The following PRKN variants were observed in gnomAD, a reference collection of about 807,000 sequenced individuals.
The protein encoded by PRKN is parkin RBR E3 ubiquitin protein ligase.
In PRKN, 56 loss-of-function variants were observed where a neutral mutation model predicts 59.5. That is an observed-to-expected ratio of 0.94 (90% CI 0.76 to 1.18). PRKN has a LOEUF of 1.18. Among genes scored for constraint, PRKN ranks in the 50% most tolerant of loss-of-function variants. The pLI is 0.00. For synonymous variants in PRKN, 250 were observed against 222.1 expected (o/e 1.13, Z -1.12); for missense variants, 657 against 596.4 (o/e 1.10, Z -1.06).
At chr6:161,817,921 C>T (rs1791858930) in intron 6 of PRKN, among the ~76,000 whole-genome samples, 1 of 152,142 alleles carries the variant, frequency 6.6e-6, no homozygotes, top group African/African-American at 2.4e-5. Context: ...TCCAAGGAGA[C>T]CCCCGAAGAG....
intron 7 of PRKN, among the ~76,000 whole-genome samples, chr6:161,670,236 A>G (rs1206572368): frequency 1.3e-5 from 2 of 151,992 alleles, no homozygotes; most frequent in African/African-American, 4.8e-5. Flanking sequence ...TTAGGAGAGG[A>G]GGTAGGAGAT....
intron 7 of PRKN, among the ~76,000 whole-genome samples, chr6:161,637,005 C>T (rs1343361952): frequency 6.6e-6 from 1 of 152,200 alleles, no homozygotes; most frequent in African/African-American, 2.4e-5. Context: ...AATGCCTCAT[C>T]AGAATGTATC....
chr6:162,465,278 C>A (rs1040383594), intron 1 of PRKN, among the ~76,000 whole-genome samples: 1 of 152,202 alleles, frequency 6.6e-6, no homozygotes, highest in Non-Finnish European at 1.5e-5. Context: ...TATTTAACAT[C>A]TGACTTTTGT....
intron 7 of PRKN, among the ~76,000 whole-genome samples, chr6:161,706,426 T>A (rs1786497679): frequency 6.6e-6 from 1 of 152,160 alleles, no homozygotes; most frequent in Non-Finnish European, 1.5e-5. Context: ...TCAAAATGCA[T>A]CTCGGACACA....
At chr6:161,517,599 G>A (rs1396885075) in intron 9 of PRKN, among the ~76,000 whole-genome samples, 2 of 151,902 alleles carry the variant, frequency 1.3e-5, no homozygotes, top group Admixed American at 1.3e-4. Flanking sequence ...AATTAGCCGG[G>A]CATGGTGGCG....
intron 2 of PRKN, among the ~76,000 whole-genome samples, chr6:162,348,856 T>C (rs941289633): frequency 6.6e-6 from 1 of 152,098 alleles, no homozygotes; most frequent in South Asian, 2.1e-4. Flanking sequence ...TTAGTTGAGA[T>C]AGTACAATAG....
At chr6:162,152,375 T>C (rs73783425) in intron 4 of PRKN, among the ~76,000 whole-genome samples, 3,485 of 152,224 alleles carry the variant, frequency 0.023, 147 homozygotes, top group African/African-American at 0.08. Flanking sequence ...CCTTCCTGAA[T>C]AGCCTACCTC....
chr6:162,036,311 G>A lies in PRKN; in HGVS notation c.618+17780C>T, dbSNP rs145783272. Among the ~76,000 whole-genome samples, 380 of 151,908 alleles carry A rather than the reference G, an allele frequency of 2.5e-3. 1 individual carries two copies. The highest frequency in any genetic ancestry group is 8.7e-3 in the African/African-American group (360 of 41,476). The stretch of plus-strand genomic sequence containing the variant: ...TGCACTCCAGCCTGGGCAACAGAGC[G>A]AGACCCCGTCTCAAAACAAAACAAA... On this transcript the variant is annotated intron_variant, in intron 5 of 11. Coordinates refer to ENST00000366898, the MANE Select transcript of PRKN (RefSeq NM_004562.3).
chr6:162,407,184 T>TACA (rs1359692801), intron 2 of PRKN, among the ~76,000 whole-genome samples: 1 of 152,140 alleles, frequency 6.6e-6, no homozygotes, highest in Non-Finnish European at 1.5e-5. Context: ...TTTTATCTAA[T>TACA]ACAAAGGTGC....
intron 1 of PRKN, among the ~76,000 whole-genome samples, chr6:162,679,064 T>C (rs1447530977): frequency 4.4e-5 from 6 of 135,834 alleles, no homozygotes. Flanking sequence ...CGTGAGCCAC[T>C]GTGCCTGGCC....
In PRKN at chr6:162,202,844, C is replaced by T. The variant is rs540201776; in HGVS notation, c.413-1592G>A. Among the ~76,000 whole-genome samples the T allele has an allele frequency of 7.9e-5, 12 of 152,300 alleles. No individual in the cohort carries two copies. The East Asian group carries it at 9.6e-4, about 12-fold the overall frequency. On this transcript the variant is annotated intron_variant, in intron 3 of 11. Coordinates refer to ENST00000366898, the MANE Select transcript of PRKN (RefSeq NM_004562.3). ...ATCACAAGAACTGTGACAATTCTGA[C>T]GTGCACTAAGAAGTGCATAGAAGAA...
intron 6 of PRKN, among the ~76,000 whole-genome samples, chr6:161,796,704 A>G (rs1790865017): frequency 6.6e-6 from 1 of 152,204 alleles, no homozygotes; most frequent in Admixed American, 6.5e-5. Context: ...ATTTCAGGTC[A>G]CATTCTATTC....
At chr6:162,314,768 G>A (rs1782674153) in intron 2 of PRKN, among the ~76,000 whole-genome samples, 1 of 152,124 alleles carries the variant, frequency 6.6e-6, no homozygotes, top group South Asian at 2.1e-4. Flanking sequence ...CACTATTCCA[G>A]ACTATACCTC....
intron 6 of PRKN, among the ~76,000 whole-genome samples, chr6:161,909,422 A>T (rs1778270741): frequency 6.6e-6 from 1 of 152,214 alleles, no homozygotes; most frequent in African/African-American, 2.4e-5. Context: ...GTGTAACAAT[A>T]AAAATCATTT....
intron 7 of PRKN, among the ~76,000 whole-genome samples, chr6:161,744,450 G>A (rs989837408): frequency 6.6e-6 from 1 of 152,156 alleles, no homozygotes; most frequent in Non-Finnish European, 1.5e-5. Flanking sequence ...TGCTATGGGA[G>A]ATGTGTGCCT....
rs141300708 is a variant in PRKN, at chr6:161,746,683, T to G, written c.871+39089A>C. ...ATATATATGTATATCTATAGATATATCTATATAGGTATATGTATATATGTA... is the reference window on the plus strand; with the variant it reads ...ATATATATGTATATCTATAGATATAGCTATATAGGTATATGTATATATGTA... On this transcript the variant is annotated intron_variant, in intron 7 of 11. Coordinates refer to ENST00000366898, the MANE Select transcript of PRKN (RefSeq NM_004562.3). Among the ~76,000 whole-genome samples, 211 of 146,848 alleles carry G rather than the reference T, an allele frequency of 1.4e-3. 2 individuals carry two copies. In the East Asian group the frequency reaches 0.031, roughly 22 times the overall value.
intron 6 of PRKN, among the ~76,000 whole-genome samples, chr6:161,903,443 C>T (rs144824646): frequency 2.6e-5 from 4 of 152,242 alleles, no homozygotes; most frequent in Admixed American, 6.5e-5. Flanking sequence ...TCAAACTTCG[C>T]GAAGGCAAAG....
At position 162,154,853 on chromosome 6, in the gene PRKN, A is replaced by C. The variant is rs143797302; in HGVS notation, c.534+46278T>G. Among the ~76,000 whole-genome samples the C allele has an allele frequency of 4.4e-4, 67 of 152,076 alleles. 1 individual carries two copies. The East Asian group carries it at 9.9e-3, about 22-fold the overall frequency. ...ATATGAATGAAAACTTGATACACAT[A>C]TATTTTCTTTCTTTGATAGATATTC... On this transcript the variant is annotated intron_variant, in intron 4 of 11. Coordinates refer to ENST00000366898, the MANE Select transcript of PRKN (RefSeq NM_004562.3).
At chr6:162,281,267 G>C (rs1780893890) in intron 2 of PRKN, among the ~76,000 whole-genome samples, 1 of 151,992 alleles carries the variant, frequency 6.6e-6, no homozygotes, top group Non-Finnish European at 1.5e-5. Context: ...GGCCTGTCAG[G>C]GGGTGGGGGG....
Sources: allele counts gnomAD v4.1 joint callset (sites outside exome capture counted in the v4.1 genomes callset), GRCh38; gene constraint gnomAD v4.1.1; transcripts MANE v1.5; gene names NCBI Gene and HGNC (gene_info 2026-07-23, HGNC 2026-07-21).